The following MEX3C variants were observed in gnomAD, a reference collection of about 807,000 sequenced individuals.
MEX3C encodes the protein mex-3 RNA binding family member C.
MEX3C carries 15 observed loss-of-function variants against 35.5 expected under a neutral mutation model. That is an observed-to-expected ratio of 0.42 (90% CI 0.28 to 0.65). The LOEUF is 0.65. Among genes scored for constraint, MEX3C ranks in the 30% least tolerant of loss-of-function variants. MEX3C has a pLI of 0.20. For synonymous variants in MEX3C, 390 were observed against 352.8 expected (o/e 1.11, Z -1.18); for missense variants, 711 against 842.8 (o/e 0.84, Z 1.94).
rs1599260742 is a variant in MEX3C at position 51,197,357 on chromosome 18, G to A, written c.-37C>T. ...GCTGTCAATGGCGGCGGCGGCGGCC[G>A]GGTCAGGCGCGGCAGGCGGCGAGCC... On this transcript the variant is annotated 5_prime_UTR_variant, in exon 1 of 2. Coordinates refer to ENST00000406189, the MANE Select transcript of MEX3C (RefSeq NM_016626.5). 2 of 260,984 alleles carry A rather than the reference G, an allele frequency of 7.7e-6. No homozygotes were observed. Among genetic ancestry groups the A allele is most frequent in the Admixed American group, 6.6e-5 (1 of 15,146 alleles). 16.2% of individuals were successfully genotyped at this position (260,984 alleles called of 1,614,324 possible).
In MEX3C at chr18:51,196,723, T is replaced by C. The variant is rs1568236534; in HGVS notation, c.598A>G (p.Met200Val). 5 of 1,533,322 alleles carry C rather than the reference T, an allele frequency of 3.3e-6. No homozygotes were observed. Among genetic ancestry groups the C allele is most frequent in the Non-Finnish European group, 4.4e-6 (5 of 1,144,942 alleles). The allele number at this position is 1,533,322 out of a possible 1,614,324, so 95.0% of individuals were successfully genotyped here. A position where few individuals can be genotyped will look rare whatever the true frequency, so the allele number is the denominator to read the frequency against. The change falls in exon 1 of 2, where the codon ATG becomes GTG. Residue 200 changes from methionine to valine, a missense_variant. By Grantham distance (21) the Met-to-Val change is conservative. Coordinates refer to ENST00000406189, the MANE Select transcript of MEX3C (RefSeq NM_016626.5). ...GDDAQGMMAA[M>V]LSHAYGPGGC... ...CCGGGGCCGTAGGCGTGGGACAGCA[T>C]CGCCGCCATCATGCCCTGGGCATCG...
chr18:51,183,302 CA>C (rs1249078195), intron 1 of MEX3C, among the ~76,000 whole-genome samples: 1 of 152,152 alleles, frequency 6.6e-6, no homozygotes, highest in African/African-American at 2.4e-5. Flanking sequence ...TAGATGGCAG[CA>C]AAAAGACCAC....
In MEX3C at chr18:51,176,299, C is replaced by A; in HGVS notation, c.*52G>T. On this transcript the variant is annotated 3_prime_UTR_variant, in exon 2 of 2. Coordinates refer to ENST00000406189, the MANE Select transcript of MEX3C (RefSeq NM_016626.5). ...GTTTACTGGGGGGTACCATTATACC[C>A]ATGCCTTTACGAGTCCATATAGAGA... 6.8e-7 allele frequency: 1 copy of A among 1,471,708 alleles called. No individual in the cohort carries two copies. The highest frequency in any genetic ancestry group is 1.4e-5 in the South Asian group (1 of 72,876). 91.2% of individuals were successfully genotyped at this position (1,471,708 alleles called of 1,614,324 possible). A position where few individuals can be genotyped will look rare whatever the true frequency, so the allele number is the denominator to read the frequency against.
chr18:51,188,484 T>C (rs1244322774), intron 1 of MEX3C, among the ~76,000 whole-genome samples: 3 of 151,802 alleles, frequency 2.0e-5, no homozygotes, highest in Non-Finnish European at 4.4e-5. Flanking sequence ...CGTGGTGGTG[T>C]GCACTTACCG....
chr18:51,180,710 T>C (rs750614583), intron 1 of MEX3C, among the ~76,000 whole-genome samples: 9 of 152,194 alleles, frequency 5.9e-5, no homozygotes, highest in Non-Finnish European at 1.2e-4. Context: ...CTCAAACTCC[T>C]GAACTCAGGT....
chr18:51,193,747 T>C (rs529737500), intron 1 of MEX3C: 23 of 152,282 alleles, frequency 1.5e-4, no homozygotes, highest in Non-Finnish European at 2.5e-4. Context: ...CTGGGGAGTA[T>C]AAATTCGAGG....
At chr18:51,179,057 G>A (rs963898684) in intron 1 of MEX3C, among the ~76,000 whole-genome samples, 34 of 150,860 alleles carry the variant, frequency 2.3e-4, no homozygotes, top group Middle Eastern at 3.4e-3. Flanking sequence ...AGGCTGGAGT[G>A]CAGTGATGTG....
chr18:51,184,708 A>T (rs994988377), intron 1 of MEX3C, among the ~76,000 whole-genome samples: 1 of 151,914 alleles, frequency 6.6e-6, no homozygotes, highest in Admixed American at 6.6e-5. Context: ...AATATAAAAA[A>T]CTATCTGGGC....
chr18:51,193,243 T>C (rs1912694494), intron 1 of MEX3C: 1 of 152,200 alleles, frequency 6.6e-6, no homozygotes, highest in Non-Finnish European at 1.5e-5. Flanking sequence ...GAGACGACTT[T>C]TCTAGACTAT....
Position 51,175,504 on chromosome 18 carries a change from T to TA in MEX3C, c.*846dup, listed in dbSNP as rs1278635932. On this transcript the variant is annotated 3_prime_UTR_variant, in exon 2 of 2. Transcript: ENST00000406189. ...GTGCAAGACAAATATGGATTGAACA[T>TA]AAAATGTTTCACATTTTGATCTATA... 2 of 152,640 alleles carry TA rather than the reference T, an allele frequency of 1.3e-5. No homozygotes were observed. Among genetic ancestry groups the TA allele is most frequent in the Admixed American group, 1.3e-4 (2 of 15,280 alleles). 9.5% of individuals were successfully genotyped at this position (152,640 alleles called of 1,614,324 possible). A position where few individuals can be genotyped will look rare whatever the true frequency, so the allele number is the denominator to read the frequency against.
At chr18:51,193,268 C>T (rs1311740258) in intron 1 of MEX3C, 2 of 152,094 alleles carry the variant, frequency 1.3e-5, no homozygotes, top group Non-Finnish European at 2.9e-5. Context: ...CTAGAGAACA[C>T]ACATAGACCA....
intron 1 of MEX3C, among the ~76,000 whole-genome samples, chr18:51,190,690 A>ATT (rs67715148): frequency 6.6e-6 from 1 of 151,610 alleles, no homozygotes. Flanking sequence ...GTAACTTAAA[A>ATT]TTCTCAAAGT....
chr18:51,183,139 A>T (rs1308812096), intron 1 of MEX3C, among the ~76,000 whole-genome samples: 1 of 152,222 alleles, frequency 6.6e-6, no homozygotes, highest in South Asian at 2.1e-4. Flanking sequence ...ATGGTCACCT[A>T]AAGTAGCTTG....
At chr18:51,189,891 A>G (rs1912618333) in intron 1 of MEX3C, among the ~76,000 whole-genome samples, 1 of 152,188 alleles carries the variant, frequency 6.6e-6, no homozygotes, top group Non-Finnish European at 1.5e-5. Context: ...AAAAAATATA[A>G]CTTACATAAT....
At chr18:51,178,265 C>G (rs1027729595) in intron 1 of MEX3C, among the ~76,000 whole-genome samples, 9 of 151,956 alleles carry the variant, frequency 5.9e-5, no homozygotes, top group African/African-American at 2.2e-4. Flanking sequence ...GATTGACAGA[C>G]ACAATTTCAA....
chr18:51,195,837 T>G (rs1334840544), intron 1 of MEX3C: 2 of 152,266 alleles, frequency 1.3e-5, no homozygotes, highest in Non-Finnish European at 2.9e-5. Context: ...GAGAATTAAC[T>G]GAAAACTGTA....
At chr18:51,190,609 G>T (rs1212276535) in intron 1 of MEX3C, among the ~76,000 whole-genome samples, 1 of 152,142 alleles carries the variant, frequency 6.6e-6, no homozygotes, top group Non-Finnish European at 1.5e-5. Flanking sequence ...GTACTTACCG[G>T]ACAAGGGCAA....
intron 1 of MEX3C, among the ~76,000 whole-genome samples, chr18:51,189,914 C>G (rs1469880325): frequency 6.6e-6 from 1 of 151,962 alleles, no homozygotes; most frequent in Non-Finnish European, 1.5e-5. Flanking sequence ...ATTGGTATAG[C>G]CTACGAAAAA....
intron 1 of MEX3C, among the ~76,000 whole-genome samples, chr18:51,181,224 T>A (rs1912422145): frequency 6.6e-6 from 1 of 152,088 alleles, no homozygotes; most frequent in Non-Finnish European, 1.5e-5. Flanking sequence ...ATGGCACAAG[T>A]CACCAAAAAC....
Sources: allele counts gnomAD v4.1 joint callset (sites outside exome capture counted in the v4.1 genomes callset), GRCh38; gene constraint gnomAD v4.1.1; transcripts MANE v1.5; gene names NCBI Gene and HGNC (gene_info 2026-07-23, HGNC 2026-07-21).